Variants in ACTR3 observed in about 807,000 individuals in gnomAD.
The protein encoded by ACTR3 is actin-related protein 3.
ACTR3 carries 12 observed loss-of-function variants against 56.8 expected under a neutral mutation model. The observed-to-expected ratio is 0.21, with a 90% CI of 0.14 to 0.34. The LOEUF (loss-of-function observed/expected upper bound fraction) is 0.34, where lower values mean the gene tolerates loss of function less well. Ranked by LOEUF, ACTR3 falls within the 10% of genes least tolerant of loss-of-function variation. The pLI is 1.00. For missense variants in ACTR3, 282 were observed against 512.5 expected, an observed-to-expected ratio of 0.55 and a Z score of 4.34; for synonymous variants, 162 against 167.4, an observed-to-expected ratio of 0.97 and a Z score of 0.25.
At chr2:113,897,739 C>G (rs1158666348) in intron 1 of ACTR3, among the ~76,000 whole-genome samples, 1 of 151,868 alleles carries the variant, frequency 6.6e-6, no homozygotes. Flanking sequence ...ATTGGCCAGG[C>G]TGATATTGAA....
At chr2:113,933,225 G>A (rs1679755698) in intron 5 of ACTR3, among the ~76,000 whole-genome samples, 1 of 152,126 alleles carries the variant, frequency 6.6e-6, no homozygotes, top group African/African-American at 2.4e-5. Flanking sequence ...AAAATTTGAA[G>A]GTAGGCCTGG....
At chr2:113,930,496 A>G (rs1679698936) in intron 4 of ACTR3, among the ~76,000 whole-genome samples, 1 of 150,838 alleles carries the variant, frequency 6.6e-6, no homozygotes, top group Non-Finnish European at 1.5e-5. Context: ...TCTTTTTTAA[A>G]TTTAAAAATT....
In ACTR3 at chr2:113,961,039, CA is replaced by C. The variant is rs1680316247; in HGVS notation, c.*3586del. On this transcript the variant is annotated 3_prime_UTR_variant, in exon 12 of 12. Coordinates refer to ENST00000263238, the MANE Select transcript of ACTR3 (RefSeq NM_005721.5). The stretch of plus-strand genomic sequence containing the variant: ...GTCTATATCCTGAATTGACCTTTAG[CA>C]AGAATCTTTAGATCTGCTGGAGGGC... 1 of 151,972 alleles carries C rather than the reference CA, an allele frequency of 6.6e-6. No individual in the cohort carries two copies. Among genetic ancestry groups the C allele is most frequent in the Admixed American group, 6.6e-5 (1 of 15,224 alleles). 9.4% of individuals were successfully genotyped at this position (151,972 alleles called of 1,614,324 possible).
upstream of ACTR3, chr2:113,890,015 A>C: frequency 1.8e-6 from 1 of 553,218 alleles, no homozygotes; most frequent in East Asian, 3.3e-5. Flanking sequence ...GGGTGGGGGC[A>C]GGAGTGAGGA....
At chr2:113,914,199 A>ATAGGAAC (rs61510700) in intron 2 of ACTR3, among the ~76,000 whole-genome samples, 1 of 151,994 alleles carries the variant, frequency 6.6e-6, no homozygotes, top group African/African-American at 2.4e-5. Context: ...TGAGAATAAG[A>ATAGGAAC]TGTTAGGCTT....
chr2:113,961,603 A>G lies in ACTR3; in HGVS notation c.*4148A>G, dbSNP rs1446018207. ...ACCAACATTCACTTATATTACCTAT[A>G]TATTGCATCAAGTTTTGAGCCTTCA... On this transcript the variant is annotated 3_prime_UTR_variant, in exon 12 of 12. Transcript: ENST00000263238. The G allele has an allele frequency of 1.3e-5, 2 of 151,968 alleles. No homozygotes were observed. The highest frequency in any genetic ancestry group is 2.4e-5 in the African/African-American group (1 of 41,424). 9.4% of individuals were successfully genotyped at this position (151,968 alleles called of 1,614,324 possible). A position where few individuals can be genotyped will look rare whatever the true frequency, so the allele number is the denominator to read the frequency against.
chr2:113,901,061 T>C (rs1348085412), intron 1 of ACTR3, among the ~76,000 whole-genome samples: 1 of 152,260 alleles, frequency 6.6e-6, no homozygotes, highest in Non-Finnish European at 1.5e-5. Flanking sequence ...GGCTCATGCC[T>C]GTAATCCCAG....
chr2:113,959,872 C>G lies in ACTR3; in HGVS notation c.*2417C>G, dbSNP rs894947543. On this transcript the variant is annotated 3_prime_UTR_variant, in exon 12 of 12. Coordinates refer to ENST00000263238, the MANE Select transcript of ACTR3 (RefSeq NM_005721.5). ...TCTGATAATTGATGATATAGCTCCTCGAACTTTGTTTTTTGTTAAAACTTG... is the reference window on the plus strand; with the variant it reads ...TCTGATAATTGATGATATAGCTCCTGGAACTTTGTTTTTTGTTAAAACTTG... 3 of 151,874 alleles carry G rather than the reference C, an allele frequency of 2.0e-5. No individual in the cohort carries two copies. The highest frequency in any genetic ancestry group is 2.9e-5 in the Non-Finnish European group (2 of 67,886). The allele number at this position is 151,874 out of a possible 1,614,324, so 9.4% of individuals were successfully genotyped here.
intron 1 of ACTR3, chr2:113,904,054 G>T (rs542117382): frequency 1.3e-5 from 2 of 151,976 alleles, no homozygotes; most frequent in African/African-American, 4.8e-5. Flanking sequence ...TAGAGACGGG[G>T]TTTCTCCTTG....
chr2:113,907,976 C>A (rs12613905), intron 1 of ACTR3, among the ~76,000 whole-genome samples: 11,064 of 68,846 alleles, frequency 0.16, 1,014 homozygotes, highest in East Asian at 0.35. Context: ...CTCTGTCCCC[C>A]AAAAAAAAAA....
chr2:113,922,198 A>G (rs1375429302), intron 3 of ACTR3, among the ~76,000 whole-genome samples: 1 of 152,116 alleles, frequency 6.6e-6, no homozygotes, highest in Non-Finnish European at 1.5e-5. Flanking sequence ...GGAGGGAGAG[A>G]GAGATGAAGA....
chr2:113,934,585 A>G (rs112074626), intron 6 of ACTR3, 199 bp downstream of exon 6: 20 of 363,346 alleles, frequency 5.5e-5, no homozygotes, highest in African/African-American at 2.5e-4. Flanking sequence ...GTAGGTTTGT[A>G]CTGCAATTAA....
intron 3 of ACTR3, among the ~76,000 whole-genome samples, chr2:113,920,484 T>C (rs920238164): frequency 1.4e-4 from 21 of 152,252 alleles, no homozygotes; most frequent in African/African-American, 3.6e-4. Flanking sequence ...AAACACTTAT[T>C]TTTTTGTGTT....
intron 1 of ACTR3, among the ~76,000 whole-genome samples, chr2:113,898,057 G>A (rs1679041796): frequency 6.6e-6 from 1 of 152,086 alleles, no homozygotes; most frequent in Non-Finnish European, 1.5e-5. Context: ...GAATTAGGGT[G>A]CAGAAGACCT....
Position 113,942,265 on chromosome 2 carries a change from A to G in ACTR3, c.764A>G (p.Gln255Arg). 6.2e-7 allele frequency: 1 copy of G among 1,606,164 alleles called. No individual in the cohort carries two copies. Among genetic ancestry groups the G allele is most frequent in the Non-Finnish European group, 8.5e-7 (1 of 1,176,970 alleles). The change falls in exon 8 of 12, where the codon CAG becomes CGG. Residue 255 changes from glutamine to arginine, a missense_variant. Coordinates refer to ENST00000263238, the MANE Select transcript of ACTR3 (RefSeq NM_005721.5). ...YDTDGSKWIK[Q>R]YTGINAISKK... The stretch of plus-strand genomic sequence containing the variant: ...ACAGATGGGTCAAAATGGATTAAAC[A>G]GTATACTGGAATCAATGCTATCTCA...
intron 5 of ACTR3, among the ~76,000 whole-genome samples, chr2:113,932,430 C>G (rs1220843975): frequency 6.6e-6 from 1 of 152,046 alleles, no homozygotes; most frequent in African/African-American, 2.4e-5. Context: ...TTATGTTTAA[C>G]CATATTGTCA....
intron 8 of ACTR3, among the ~76,000 whole-genome samples, chr2:113,946,194 G>A (rs1680016451): frequency 6.6e-6 from 1 of 152,082 alleles, no homozygotes; most frequent in African/African-American, 2.4e-5. Flanking sequence ...GGTTCTTGAG[G>A]AATTGCCACA....
intron 3 of ACTR3, among the ~76,000 whole-genome samples, chr2:113,918,720 A>G (rs556732264): frequency 5.8e-4 from 89 of 152,162 alleles, no homozygotes; most frequent in Non-Finnish European, 9.6e-4. Context: ...ATGTGTATAA[A>G]GAAATTGTTA....
intron 4 of ACTR3, 145 bp from the exon 5 acceptor site, chr2:113,931,156 G>GA (rs1223742618): frequency 2.2e-5 from 11 of 497,582 alleles, no homozygotes; most frequent in African/African-American, 4.0e-5. Flanking sequence ...GTTTTCCTTT[G>GA]ATCTCTGTGT....
Sources: gnomAD v4.1 joint callset for allele counts (sites outside exome capture counted in the v4.1 genomes callset) on GRCh38, gnomAD v4.1.1 for gene constraint, MANE v1.5 for transcripts, NCBI Gene and HGNC (gene_info 2026-07-23, HGNC 2026-07-21) for gene names.